Variants in DNAJA2 observed in about 807,000 individuals in gnomAD.
DNAJA2 encodes the protein DnaJ heat shock protein family (Hsp40) member A2.
In DNAJA2, 6 loss-of-function variants were observed where a neutral mutation model predicts 49.3. The observed-to-expected ratio is 0.12, with a 90% CI of 0.07 to 0.24. The LOEUF is 0.24. Among genes scored for constraint, DNAJA2 ranks in the 10% least tolerant of loss-of-function variants. The pLI is 1.00. For missense variants in DNAJA2, 347 were observed against 516.8 expected (o/e 0.67, Z 3.19); for synonymous variants, 160 against 172.7 (o/e 0.93, Z 0.58).
In DNAJA2 at chr16:46,956,198, C is replaced by A. The variant is rs1034170590; in HGVS notation, c.*831G>T. On this transcript the variant is annotated 3_prime_UTR_variant, in exon 9 of 9. Transcript: ENST00000317089. ...TACAGCACTCAAGACACCCTGGCCT[C>A]TACAGAGCATCACTGAAGCCACTGA... 1 of 152,144 alleles carries A rather than the reference C, an allele frequency of 6.6e-6. No individual in the cohort carries two copies. The highest frequency in any genetic ancestry group is 1.5e-5 in the Non-Finnish European group (1 of 68,054). The allele number at this position is 152,144 out of a possible 1,614,324, so 9.4% of individuals were successfully genotyped here.
chr16:46,971,943 A>G lies in DNAJA2; in HGVS notation c.91T>C (p.Leu31=). Reference sequence around the variant, plus strand: ...TTATCAGGATGATATTCCTTGGCTAACTTTCTGTATGCCTTTGAAAATGGA... The same window carrying G: ...TTATCAGGATGATATTCCTTGGCTAGCTTTCTGTATGCCTTTGAAAATGGA... ...ENELKKAYRK[L]AKEYHPDKNP... Residue 31 remains leucine (L), a synonymous_variant, in exon 2 of 9, where the codon TTA becomes CTA. Transcript: ENST00000317089. 1 of 1,612,410 alleles carries G rather than the reference A, an allele frequency of 6.2e-7. No homozygotes were observed. The highest frequency in any genetic ancestry group is 8.5e-7 in the Non-Finnish European group (1 of 1,178,716).
chr16:46,965,441 T>A (rs746878528), intron 5 of DNAJA2, among the ~76,000 whole-genome samples: 1 of 152,172 alleles, frequency 6.6e-6, no homozygotes, highest in Non-Finnish European at 1.5e-5. Flanking sequence ...TACCAGCACA[T>A]TTGAAGGCTT....
intron 1 of DNAJA2, among the ~76,000 whole-genome samples, 187 bp downstream of exon 1, chr16:46,973,308 T>C (rs1407052016): frequency 6.6e-6 from 1 of 150,810 alleles, no homozygotes; most frequent in African/African-American, 2.4e-5. Flanking sequence ...GGCCCCAAGG[T>C]CAGCCGAGGC....
At position 46,957,549 on chromosome 16, in the gene DNAJA2, G is replaced by A. The variant is rs550111553; in HGVS notation, c.1048-329C>T. On this transcript the variant is annotated intron_variant, in intron 8 of 8. Transcript: ENST00000317089. ...ACCTGGGAGGTGGAAGTTGCAGTAA[G>A]CTGAGATTGTGCCACTGCACTCCAG... Among the ~76,000 whole-genome samples, 22 of 151,786 alleles carry A rather than the reference G, an allele frequency of 1.4e-4. 2 individuals are homozygous for A. In the South Asian group the frequency reaches 4.4e-3, roughly 30 times the overall value.
chr16:46,957,026 A>C lies in DNAJA2; in HGVS notation c.*3T>G, dbSNP rs749619418. ...ATCCACCTGTGCAATTTGTTTGCAG[A>C]GTTTACTGATGGGCACACTGCACTC... On this transcript the variant is annotated 3_prime_UTR_variant, in exon 9 of 9. Transcript: ENST00000317089. 7.4e-6 allele frequency: 12 copies of C among 1,614,052 alleles called. No individual in the cohort carries two copies. The Admixed American group carries it at 1.5e-4, about 20-fold the overall frequency.
At chr16:46,965,832 CAAAAAAA>C (rs765934380) in intron 5 of DNAJA2, among the ~76,000 whole-genome samples, 7 of 55,720 alleles carry the variant, frequency 1.3e-4, no homozygotes, top group South Asian at 5.1e-4. Flanking sequence ...CTCCGTCTCA[CAAAAAAA>C]AAAAAAAAAG....
Position 46,964,684 on chromosome 16 carries a change from G to A in DNAJA2, c.701C>T (p.Thr234Ile), listed in dbSNP as rs1961944223. 1 of 1,614,042 alleles carries A rather than the reference G, an allele frequency of 6.2e-7. No individual in the cohort carries two copies. The highest frequency in any genetic ancestry group is 1.3e-5 in the African/African-American group (1 of 74,916). The change falls in exon 6 of 9, where the codon ACT (threonine) becomes ATT (isoleucine). Residue 234 changes from threonine to isoleucine, a missense_variant. By Grantham distance (89) the Thr-to-Ile change is moderately conservative. Transcript: ENST00000317089. ...GMKHGQRITF[T>I]GEADQAPGVE... ...TCCTGGGGCCTGGTCTGCTTCCCCAGTGAATGTAATTCTCTGTCCATGTTT... is the reference window on the plus strand; with the variant it reads ...TCCTGGGGCCTGGTCTGCTTCCCCAATGAATGTAATTCTCTGTCCATGTTT...
intron 1 of DNAJA2, chr16:46,972,661 C>G (rs566308790): frequency 6.6e-6 from 1 of 152,340 alleles, no homozygotes; most frequent in Non-Finnish European, 1.5e-5. Context: ...AAGGAGCATT[C>G]TCATTTTTCT....
chr16:46,960,364 C>G (rs1456704123), intron 6 of DNAJA2, among the ~76,000 whole-genome samples: 2 of 152,162 alleles, frequency 1.3e-5, no homozygotes, highest in Non-Finnish European at 2.9e-5. Flanking sequence ...GCCCTCCAGG[C>G]AATTCTTGTG....
At chr16:46,965,602 G>T (rs188762951) in intron 5 of DNAJA2, among the ~76,000 whole-genome samples, 1 of 148,314 alleles carries the variant, frequency 6.7e-6, no homozygotes, top group Non-Finnish European at 1.5e-5. Context: ...AGGCGAAGGC[G>T]GGAGGATCAC....
At position 46,956,867 on chromosome 16, in the gene DNAJA2, A is replaced by T. The variant is rs1961822678; in HGVS notation, c.*162T>A. The T allele has an allele frequency of 1.3e-6, 1 of 743,416 alleles. No homozygotes were observed. Among genetic ancestry groups the T allele is most frequent in the African/African-American group, 1.8e-5 (1 of 57,048 alleles). The allele number at this position is 743,416 out of a possible 1,614,324, so 46.1% of individuals were successfully genotyped here. A position where few individuals can be genotyped will look rare whatever the true frequency, so the allele number is the denominator to read the frequency against. On this transcript the variant is annotated 3_prime_UTR_variant, in exon 9 of 9. Transcript: ENST00000317089. Reference sequence around the variant, plus strand: ...GATGTAAAGCTTTGTGGTTAGTTTAAATTATACACTCTGTAGATACTATAC... The same window carrying T: ...GATGTAAAGCTTTGTGGTTAGTTTATATTATACACTCTGTAGATACTATAC...
Position 46,973,593 on chromosome 16 carries a change from T to G in DNAJA2, c.-21A>C. On this transcript the variant is annotated 5_prime_UTR_variant, in exon 1 of 9. Transcript: ENST00000317089. ...GCCATGGCGGCCGGCCGGGCAGTGC[T>G]CGGGGAGAAGGTGGCGAAGCAGACA... is the stretch of plus-strand genomic sequence containing the variant. The G allele has an allele frequency of 6.3e-7, 1 of 1,588,756 alleles. No homozygotes were observed. The highest frequency in any genetic ancestry group is 8.5e-7 in the Non-Finnish European group (1 of 1,173,778).
At chr16:46,965,505 G>A (rs1039074035) in intron 5 of DNAJA2, among the ~76,000 whole-genome samples, 2 of 152,194 alleles carry the variant, frequency 1.3e-5, no homozygotes, top group Non-Finnish European at 2.9e-5. Context: ...CAGTACTTGT[G>A]CAAAGTATGT....
chr16:46,971,504 G>GT lies in DNAJA2; in HGVS notation c.206dup (p.Tyr69Ter). ...TGCCTTCCCGAAGACCTTGCTCTCC[G>GT]TATCTGTCATATAACTCACGCTTCT... ...NPEKRELYDR[Y>*]GEQGLREGSG... Residue 69 changes from tyrosine to a stop codon, truncating the protein, a stop_gained and frameshift_variant, in exon 3 of 9, where the codon TAC becomes TAAC. Transcript: ENST00000317089. LOFTEE classifies it high-confidence loss of function. 1 of 1,613,344 alleles carries GT rather than the reference G, an allele frequency of 6.2e-7. No homozygotes were observed. The highest frequency in any genetic ancestry group is 8.5e-7 in the Non-Finnish European group (1 of 1,179,790).
At chr16:46,969,956 A>C (rs1962022330) in intron 3 of DNAJA2, among the ~76,000 whole-genome samples, 1 of 152,234 alleles carries the variant, frequency 6.6e-6, no homozygotes, top group Non-Finnish European at 1.5e-5. Flanking sequence ...CACAAATATT[A>C]CCATTGGAAT....
chr16:46,968,960 T>C (rs963235885), intron 3 of DNAJA2, among the ~76,000 whole-genome samples: 4 of 152,158 alleles, frequency 2.6e-5, no homozygotes, highest in Admixed American at 6.5e-5. Flanking sequence ...GGCAGGGGAA[T>C]TGCTTAAGCC....
At chr16:46,972,049 T>C (rs1456481140) in intron 1 of DNAJA2, 94 bp from the exon 2 acceptor site, 3 of 888,386 alleles carry the variant, frequency 3.4e-6, no homozygotes, top group Non-Finnish European at 5.5e-6. Flanking sequence ...GAAGTAATGT[T>C]CTAGAGTTAT....
rs896928631 is a variant in DNAJA2 at position 46,955,627 on chromosome 16, A to C, written c.*1402T>G. The stretch of plus-strand genomic sequence containing the variant: ...TCTAGCAGACCTAGAAATAAACTAC[A>C]AATACTAGATTTAGGCTCAGGGATG... On this transcript the variant is annotated 3_prime_UTR_variant, in exon 9 of 9. Coordinates refer to ENST00000317089, the MANE Select transcript of DNAJA2 (RefSeq NM_005880.4). The C allele has an allele frequency of 1.3e-5, 2 of 152,222 alleles. No individual in the cohort carries two copies. The highest frequency in any genetic ancestry group is 4.8e-5 in the African/African-American group (2 of 41,454). The allele number at this position is 152,222 out of a possible 1,614,324, so 9.4% of individuals were successfully genotyped here.
rs1596660766 is a variant in DNAJA2, at chr16:46,973,651, G to A, written c.-79C>T. On this transcript the variant is annotated 5_prime_UTR_variant, in exon 1 of 9. Transcript: ENST00000317089. ...GTCGGGCCCACAAGCGGCGTCGGCG[G>A]CGGCACAGGCCGAGGGAGACAGCGA... 2 of 1,466,478 alleles carry A rather than the reference G, an allele frequency of 1.4e-6. No homozygotes were observed. Among genetic ancestry groups the A allele is most frequent in the South Asian group, 1.2e-5 (1 of 84,522 alleles). The allele number at this position is 1,466,478 out of a possible 1,614,324, so 90.8% of individuals were successfully genotyped here.
Sources: gnomAD v4.1 joint callset for allele counts (sites outside exome capture counted in the v4.1 genomes callset) on GRCh38, gnomAD v4.1.1 for gene constraint, MANE v1.5 for transcripts, NCBI Gene and HGNC (gene_info 2026-07-23, HGNC 2026-07-21) for gene names.